IFI27L1: variants seen among roughly 807,000 people sequenced by gnomAD.
The protein encoded by IFI27L1 is interferon alpha inducible protein 27 like 1, also known as interferon alpha-inducible protein 27-like protein 1.
A neutral mutation model predicts 9.2 loss-of-function variants in IFI27L1; 3 were observed. The observed-to-expected ratio is 0.32, with a 90% confidence interval of 0.15 to 0.84. IFI27L1 has a LOEUF of 0.84. Ranked by LOEUF, IFI27L1 falls within the 40% of genes least tolerant of loss-of-function variation. The pLI is 0.56. For synonymous variants in IFI27L1, 53 were observed against 50.0 expected, an observed-to-expected ratio of 1.06 and a Z score of -0.26; for missense variants, 133 against 134.2, an observed-to-expected ratio of 0.99 and a Z score of 0.05.
chr14:94,088,425 G>A lies in IFI27L1; in HGVS notation c.-52+6976G>A, dbSNP rs568639832. Reference sequence around the variant, plus strand: ...GCATTCTTGGTGGCCCACTTTTAGGGTGGAGCCACATTCTGGGGTTGGGGC... The same window carrying A: ...GCATTCTTGGTGGCCCACTTTTAGGATGGAGCCACATTCTGGGGTTGGGGC... On this transcript the variant is annotated intron_variant, in intron 1 of 4. Coordinates refer to ENST00000555523, the MANE Select transcript of IFI27L1 (RefSeq NM_206949.3). 86 of 691,304 alleles carry A rather than the reference G, an allele frequency of 1.2e-4. 1 individual carries two copies. Among genetic ancestry groups the A allele is most frequent in the South Asian group, 1.2e-3 (82 of 66,154 alleles). The allele number at this position is 691,304 out of a possible 1,614,324, so 42.8% of individuals were successfully genotyped here.
At chr14:94,093,969 C>T (rs778476784) in intron 1 of IFI27L1, among the ~76,000 whole-genome samples, 1 of 152,014 alleles carries the variant, frequency 6.6e-6, no homozygotes, top group South Asian at 2.1e-4. Flanking sequence ...GTGACAGAAT[C>T]GGGGTGGGAA....
At chr14:94,101,727 C>T in intron 3 of IFI27L1, 87 bp from the exon 4 acceptor site, 1 of 1,400,978 alleles carries the variant, frequency 7.1e-7, no homozygotes, top group Non-Finnish European at 1.0e-6. Context: ...ACAGCAGACC[C>T]CTCCTCCTCA....
In IFI27L1 at chr14:94,101,852, A is replaced by G; in HGVS notation, c.100A>G (p.Met34Val). 1 of 1,614,270 alleles carries G rather than the reference A, an allele frequency of 6.2e-7. No homozygotes were observed. Among genetic ancestry groups the G allele is most frequent in the Non-Finnish European group, 8.5e-7 (1 of 1,180,056 alleles). The change falls in exon 4 of 5, where the codon ATG becomes GTG. Residue 34 changes from methionine (M) to valine (V), a missense_variant. Transcript: ENST00000555523. Reference protein sequence around the residue: ...VGTVLVALSAMGFTSVGIAAS... With the variant: ...VGTVLVALSAVGFTSVGIAAS... ...GACTGTGCTCGTGGCGCTCAGTGCC[A>G]TGGGCTTCACCTCAGTAGGAATCGC...
rs762908232 is a variant in IFI27L1 at position 94,100,586 on chromosome 14, T to C, written c.29-153T>C. 54 of 985,202 alleles carry C rather than the reference T, an allele frequency of 5.5e-5. 1 individual carries two copies. The Admixed American group carries it at 1.4e-3, about 26-fold the overall frequency. 61.0% of individuals were successfully genotyped at this position (985,202 alleles called of 1,614,324 possible). ...CGTGCAGAGCCCTGAGGATGGGGCCTTCACCTCTGACCTATGGCCTAGGAT... is the reference window on the plus strand; with the variant it reads ...CGTGCAGAGCCCTGAGGATGGGGCCCTCACCTCTGACCTATGGCCTAGGAT... On this transcript the variant is annotated intron_variant, in intron 2 of 4. Transcript: ENST00000555523.
rs191425359 is a variant in IFI27L1 at position 94,090,565 on chromosome 14, C to T, written c.-51-6322C>T. On this transcript the variant is annotated intron_variant, in intron 1 of 4. Transcript: ENST00000555523. ...GCCATGGGTTGGTAGCAGATACCTACGAGTTTGGGTAAATTCCTCTCCTTA... is the reference window on the plus strand; with the variant it reads ...GCCATGGGTTGGTAGCAGATACCTATGAGTTTGGGTAAATTCCTCTCCTTA... 2.3e-3 allele frequency among the ~76,000 whole-genome samples: 355 copies of T among 152,250 alleles called. 2 individuals carry two copies. The highest frequency in any genetic ancestry group is 7.9e-3 in the African/African-American group (328 of 41,532).
intron 1 of IFI27L1, among the ~76,000 whole-genome samples, chr14:94,093,095 A>G (rs554967335): frequency 9.2e-4 from 140 of 152,058 alleles, no homozygotes; most frequent in African/African-American, 3.3e-3. Context: ...TTTCCCCTCA[A>G]AATGCCCTTC....
intron 1 of IFI27L1, among the ~76,000 whole-genome samples, chr14:94,090,671 G>A (rs1886445434): frequency 6.6e-6 from 1 of 152,196 alleles, no homozygotes; most frequent in Admixed American, 6.5e-5. Flanking sequence ...CAGTGACTGT[G>A]TAGGCAAGAT....
rs752718253 is a variant in IFI27L1 at position 94,101,926 on chromosome 14, C to T, written c.174C>T (p.Asn58=). The T allele has an allele frequency of 1.2e-5, 20 of 1,614,108 alleles. No homozygotes were observed. Among genetic ancestry groups the T allele is most frequent in the East Asian group, 4.5e-5 (2 of 44,898 alleles). Residue 58 remains asparagine, a synonymous_variant, in exon 4 of 5, where the codon AAC becomes AAT. Coordinates refer to ENST00000555523, the MANE Select transcript of IFI27L1 (RefSeq NM_206949.3). ...TGATGTCTACAGCAGCCATTGCCAA[C>T]GGGGGCGGAGTTGCTGCTGGCAGTC... ...AKMMSTAAIA[N]GGGVAAGSLV... is the part of the protein sequence containing the mutation.
chr14:94,082,468 A>G (rs1056836498), intron 1 of IFI27L1, among the ~76,000 whole-genome samples: 2 of 151,708 alleles, frequency 1.3e-5, no homozygotes, highest in Non-Finnish European at 2.9e-5. Flanking sequence ...ATGTAGACAA[A>G]ACAGCCTTCT....
At chr14:94,100,906 G>A in intron 3 of IFI27L1, 135 bp downstream of exon 3, 1 of 948,026 alleles carries the variant, frequency 1.1e-6, no homozygotes, top group Non-Finnish European at 1.7e-6. Context: ...TGGGCAGAGT[G>A]ATGGGGACCT....
intron 1 of IFI27L1, among the ~76,000 whole-genome samples, chr14:94,086,529 A>G (rs909169466): frequency 3.3e-5 from 5 of 152,158 alleles, no homozygotes; most frequent in African/African-American, 9.7e-5. Flanking sequence ...GATCCATTCT[A>G]TTTAGGACCT....
chr14:94,082,432 G>A (rs1400540777), intron 1 of IFI27L1, among the ~76,000 whole-genome samples: 3 of 151,684 alleles, frequency 2.0e-5, no homozygotes, highest in Non-Finnish European at 4.4e-5. Context: ...CGTTGATGAA[G>A]GTGGCCACTG....
intron 2 of IFI27L1, 64 bp from the exon 3 acceptor site, chr14:94,100,675 A>C: frequency 1.9e-6 from 3 of 1,602,894 alleles, no homozygotes; most frequent in Non-Finnish European, 2.5e-6. Flanking sequence ...GGTATCAGAG[A>C]GTACCCACTC....
intron 1 of IFI27L1, among the ~76,000 whole-genome samples, chr14:94,087,078 A>G (rs1886305069): frequency 6.6e-6 from 1 of 152,216 alleles, no homozygotes; most frequent in Non-Finnish European, 1.5e-5. Flanking sequence ...AATGAAGACA[A>G]TTATGTAATT....
intron 1 of IFI27L1, among the ~76,000 whole-genome samples, chr14:94,086,253 C>T (rs1393095314): frequency 6.6e-6 from 1 of 152,190 alleles, no homozygotes; most frequent in Non-Finnish European, 1.5e-5. Flanking sequence ...CACCTTCTGC[C>T]ATGATCGTAA....
intron 1 of IFI27L1, chr14:94,088,347 G>A: frequency 2.8e-6 from 2 of 702,218 alleles, no homozygotes; most frequent in Non-Finnish European, 5.2e-6. Flanking sequence ...GAGCCAACAG[G>A]TGTGGCAGTG....
chr14:94,088,355 G>T (rs1415563441), intron 1 of IFI27L1: 7 of 702,116 alleles, frequency 1.0e-5, no homozygotes, highest in Non-Finnish European at 1.8e-5. Context: ...AGGTGTGGCA[G>T]TGGCTTCCCG....
intron 3 of IFI27L1, chr14:94,101,183 T>C: frequency 2.8e-6 from 1 of 351,682 alleles, no homozygotes; most frequent in Non-Finnish European, 5.3e-6. Context: ...AGTCAGAAGC[T>C]TTTGACCTGC....
intron 2 of IFI27L1, among the ~76,000 whole-genome samples, chr14:94,099,155 A>C (rs1232994489): frequency 6.6e-6 from 1 of 152,200 alleles, no homozygotes; most frequent in Non-Finnish European, 1.5e-5. Flanking sequence ...CTGGAGCATG[A>C]CTTGGAGTAG....
Sources: gnomAD v4.1 joint callset for allele counts (sites outside exome capture counted in the v4.1 genomes callset) on GRCh38, gnomAD v4.1.1 for gene constraint, MANE v1.5 for transcripts, NCBI Gene and HGNC (gene_info 2026-07-23, HGNC 2026-07-21) for gene names.